Variants in CNTN5 observed in about 807,000 individuals in gnomAD.
The protein encoded by CNTN5 is contactin-5.
Under a neutral mutation model 129.1 loss-of-function variants are expected in CNTN5, and 77 were observed. That is an observed-to-expected ratio of 0.60 (90% CI 0.50 to 0.72). CNTN5 has a LOEUF of 0.72. CNTN5 is among the 30% of genes least tolerant of loss of function. The pLI is 0.00. For synonymous variants in CNTN5, 509 were observed against 465.6 expected, an observed-to-expected ratio of 1.09 and a Z score of -1.20; for missense variants, 1,478 against 1,328.8, an observed-to-expected ratio of 1.11 and a Z score of -1.75.
chr11:100,083,664 C>T (rs118100020), intron 13 of CNTN5, among the ~76,000 whole-genome samples: 385 of 152,122 alleles, frequency 2.5e-3, no homozygotes, highest in Non-Finnish European at 4.5e-3. Flanking sequence ...AAAATTCTCA[C>T]ATTTTCAAAT....
At chr11:99,562,837 T>C (rs76506028) in intron 3 of CNTN5, among the ~76,000 whole-genome samples, 2,515 of 152,260 alleles carry the variant, frequency 0.017, 65 homozygotes, top group African/African-American at 0.056. Flanking sequence ...TGGGAAATAC[T>C]GAGCTCAACA....
At chr11:100,120,886 T>G (rs2138161583) in intron 13 of CNTN5, among the ~76,000 whole-genome samples, 1 of 152,180 alleles carries the variant, frequency 6.6e-6, no homozygotes, top group Admixed American at 6.6e-5. Flanking sequence ...TCTAGTATTT[T>G]TAACACATAA....
At chr11:99,476,880 A>G (rs1289402640) in intron 2 of CNTN5, among the ~76,000 whole-genome samples, 1 of 152,052 alleles carries the variant, frequency 6.6e-6, no homozygotes, top group East Asian at 1.9e-4. Flanking sequence ...CCGAACTTTT[A>G]TTGAGTTTCT....
chr11:99,083,067 A>G (rs980986404), intron 1 of CNTN5, among the ~76,000 whole-genome samples: 1 of 152,038 alleles, frequency 6.6e-6, no homozygotes, highest in Non-Finnish European at 1.5e-5. Flanking sequence ...CGAAGAAGAC[A>G]TTAGATAAAG....
At chr11:99,806,883 A>C (rs1027973953) in intron 3 of CNTN5, among the ~76,000 whole-genome samples, 2 of 22 alleles carry the variant, frequency 0.091, no homozygotes, top group African/African-American at 0.14. Flanking sequence ...AAAATGATCA[A>C]TTAGTTCTTG....
intron 13 of CNTN5, among the ~76,000 whole-genome samples, chr11:100,134,310 C>T (rs572398794): frequency 6.6e-6 from 1 of 152,140 alleles, no homozygotes; most frequent in East Asian, 1.9e-4. Context: ...ATCTTATTTT[C>T]TTCTATGTTC....
chr11:100,340,696 C>T (rs78354969), intron 22 of CNTN5, 47 bp downstream of exon 22: 111 of 1,495,742 alleles, frequency 7.4e-5, no homozygotes, highest in Middle Eastern at 4.0e-4. Flanking sequence ...GGGGAAACAT[C>T]GTATAACATT....
rs200442733 is a variant in CNTN5 at position 100,350,751 on chromosome 11, A to C, written c.3080A>C (p.Gln1027Pro). 1,746 of 1,608,750 alleles carry C rather than the reference A, an allele frequency of 1.1e-3. 38 individuals are homozygous for C. In the South Asian group the frequency reaches 0.018, roughly 17 times the overall value. ...GHSNSQVIETQKLQAVVPLPD... is the reference protein window; with the variant it reads ...GHSNSQVIETPKLQAVVPLPD... ...AGCAACAGCCAAGTTATTGAAACAC[A>C]GAAACTTCAAGCAGTAGTACCACTC... Residue 1027 changes from glutamine to proline, a missense_variant, in exon 24 of 25, where the codon CAG becomes CCG. Coordinates refer to ENST00000524871, the MANE Select transcript of CNTN5 (RefSeq NM_014361.4).
At chr11:99,672,300 A>G (rs777367922) in intron 3 of CNTN5, among the ~76,000 whole-genome samples, 4 of 152,068 alleles carry the variant, frequency 2.6e-5, no homozygotes, top group Non-Finnish European at 5.9e-5. Context: ...GGAAAGTACC[A>G]GTGTTGCCAC....
chr11:100,148,526 C>T (rs781049381), intron 13 of CNTN5, among the ~76,000 whole-genome samples: 4 of 152,140 alleles, frequency 2.6e-5, no homozygotes, highest in African/African-American at 4.8e-5. Context: ...CCCCCCAAAC[C>T]GGTGTAACTG....
chr11:100,074,378 T>A (rs11600734), intron 13 of CNTN5, 84 bp downstream of exon 13: 35,135 of 1,162,154 alleles, frequency 0.03, 801 homozygotes, highest in Middle Eastern at 0.13. Flanking sequence ...CAAGAAAGAG[T>A]CTTGCAGTAC....
chr11:99,768,192 C>T (rs572990607), intron 3 of CNTN5, among the ~76,000 whole-genome samples: 81 of 152,124 alleles, frequency 5.3e-4, no homozygotes, highest in Non-Finnish European at 9.0e-4. Flanking sequence ...TTTGCTACAT[C>T]TGTTTTTTCT....
At chr11:99,723,118 C>T (rs775007423) in intron 3 of CNTN5, among the ~76,000 whole-genome samples, 4 of 152,010 alleles carry the variant, frequency 2.6e-5, no homozygotes, top group Non-Finnish European at 4.4e-5. Context: ...TTTCTATGCT[C>T]ATACTTACTC....
chr11:99,674,120 T>C (rs1412515423), intron 3 of CNTN5, among the ~76,000 whole-genome samples: 50 of 152,180 alleles, frequency 3.3e-4, no homozygotes, highest in Admixed American at 3.2e-3. Context: ...TCAGCATCTG[T>C]TATTTTTTGA....
intron 2 of CNTN5, among the ~76,000 whole-genome samples, chr11:99,541,533 C>A (rs1948106666): frequency 6.6e-6 from 1 of 152,136 alleles, no homozygotes; most frequent in Non-Finnish European, 1.5e-5. Flanking sequence ...AGGTATTGGA[C>A]TGACCTGCAG....
At chr11:99,994,878 A>G (rs1020120118) in intron 8 of CNTN5, among the ~76,000 whole-genome samples, 9 of 152,174 alleles carry the variant, frequency 5.9e-5, no homozygotes, top group Non-Finnish European at 8.8e-5. Context: ...TCAAGTAGCT[A>G]GTAGAGACAC....
rs371353100 is a variant in CNTN5, at chr11:99,315,755, G to A, written c.-209-9591G>A. Reference sequence around the variant, plus strand: ...AATGTAAATCGCGGAGTGGGCCATGGATATTGAAAATTAGAAGGTGACAGG... The same window carrying A: ...AATGTAAATCGCGGAGTGGGCCATGAATATTGAAAATTAGAAGGTGACAGG... On this transcript the variant is annotated intron_variant, in intron 1 of 24. Transcript: ENST00000524871. 3.2e-4 allele frequency among the ~76,000 whole-genome samples: 48 copies of A among 149,130 alleles called. 4 individuals are homozygous for A. Among genetic ancestry groups the A allele is most frequent in the African/African-American group, 1.0e-3 (41 of 41,032 alleles).
chr11:99,620,159 G>A (rs1950895195), intron 3 of CNTN5, among the ~76,000 whole-genome samples: 1 of 151,996 alleles, frequency 6.6e-6, no homozygotes, highest in Non-Finnish European at 1.5e-5. Flanking sequence ...GATACATATT[G>A]GTTAAGAGAC....
At chr11:99,143,521 C>T (rs1859633558) in intron 1 of CNTN5, among the ~76,000 whole-genome samples, 1 of 64,690 alleles carries the variant, frequency 1.5e-5, no homozygotes, top group Admixed American at 2.3e-4. Context: ...ATCCTAGAGA[C>T]AAATGTTTCT....
Sources: gnomAD v4.1 joint callset for allele counts (sites outside exome capture counted in the v4.1 genomes callset) on GRCh38, gnomAD v4.1.1 for gene constraint, MANE v1.5 for transcripts, NCBI Gene and HGNC (gene_info 2026-07-23, HGNC 2026-07-21) for gene names.